Variants in FGL1 observed in about 807,000 individuals in gnomAD.
FGL1 encodes the protein fibrinogen like 1, also known as fibrinogen-like protein 1.
A neutral mutation model predicts 43.7 loss-of-function variants in FGL1; 59 were observed. That is an observed-to-expected ratio of 1.35 (90% CI 1.10 to 1.68). The LOEUF (loss-of-function observed/expected upper bound fraction) is 1.68. Among genes scored for constraint, FGL1 ranks in the 40% most tolerant of loss-of-function variants. The probability of loss-of-function intolerance (pLI) is 0.00; values close to 1 mark genes in which losing one functional copy is unlikely to be tolerated. For synonymous variants in FGL1, 192 were observed against 126.5 expected (o/e 1.52, Z -3.48); for missense variants, 596 against 373.0 (o/e 1.60, Z -4.92).
chr8:17,869,937 G>A (rs1031098327), intron 5 of FGL1, among the ~76,000 whole-genome samples: 4 of 152,076 alleles, frequency 2.6e-5, no homozygotes, highest in Admixed American at 1.3e-4. Flanking sequence ...GTGAAACCCC[G>A]TCTCTACTAA....
At chr8:17,891,168 G>C (rs117281835) in intron 1 of FGL1, 1 of 152,158 alleles carries the variant, frequency 6.6e-6, no homozygotes, top group African/African-American at 2.4e-5. Flanking sequence ...TAGGTGGATA[G>C]TTAGGTACTG....
intron 5 of FGL1, among the ~76,000 whole-genome samples, chr8:17,871,366 C>T (rs1414360309): frequency 4.0e-5 from 6 of 151,154 alleles, no homozygotes; most frequent in African/African-American, 4.9e-5. Context: ...TGGTGGTGTG[C>T]GCCTATAATC....
intron 2 of FGL1, among the ~76,000 whole-genome samples, chr8:17,884,525 T>C (rs1273577047): frequency 1.3e-5 from 2 of 152,138 alleles, no homozygotes; most frequent in Non-Finnish European, 2.9e-5. Flanking sequence ...TTGTTCTTGT[T>C]ACTCTATCCC....
At position 17,868,991 on chromosome 8, in the gene FGL1, T is replaced by C. The variant is rs2053315633; in HGVS notation, c.516A>G (p.Leu172=). Residue 172 remains leucine, a synonymous_variant, in exon 6 of 8, where the codon TTA becomes TTG. Transcript: ENST00000427924. ...HFLTTQEDYT[L]KIDLADFEKN... Reference sequence around the variant, plus strand: ...TTTCAAAATCTGCAAGGTCGATTTTTAAAGTGTAGTCTTCTAAAAAAGAAA... The same window carrying C: ...TTTCAAAATCTGCAAGGTCGATTTTCAAAGTGTAGTCTTCTAAAAAAGAAA... The C allele has an allele frequency of 1.9e-6, 3 of 1,600,808 alleles. No individual in the cohort carries two copies. Among genetic ancestry groups the C allele is most frequent in the Non-Finnish European group, 2.6e-6 (3 of 1,172,914 alleles).
rs1383534831 is a variant in FGL1, at chr8:17,885,560, C to G, written c.-6G>C. Reference sequence around the variant, plus strand: ...AAACTGAACACCTTTGCCATGTTCCCCCTTGAAAAAACTGCAAGAACAAAA... The same window carrying G: ...AAACTGAACACCTTTGCCATGTTCCGCCTTGAAAAAACTGCAAGAACAAAA... On this transcript the variant is annotated 5_prime_UTR_variant, in exon 2 of 8. Coordinates refer to ENST00000427924, the MANE Select transcript of FGL1 (RefSeq NM_004467.4). 1 of 1,612,266 alleles carries G rather than the reference C, an allele frequency of 6.2e-7. No homozygotes were observed. The highest frequency in any genetic ancestry group is 1.3e-5 in the African/African-American group (1 of 74,752).
intron 2 of FGL1, 59 bp downstream of exon 2, chr8:17,885,433 G>C (rs1017023495): frequency 7.0e-7 from 1 of 1,429,042 alleles, no homozygotes; most frequent in African/African-American, 1.4e-5. Flanking sequence ...CAAAATGAAA[G>C]AAAATTCAGA....
chr8:17,865,327 G>A (rs374670349), intron 7 of FGL1, among the ~76,000 whole-genome samples: 8 of 152,156 alleles, frequency 5.3e-5, no homozygotes, highest in Non-Finnish European at 8.8e-5. Flanking sequence ...AAAGCAAGTC[G>A]TGGGCAAGGT....
At position 17,879,580 on chromosome 8, in the gene FGL1, C is replaced by T. The variant is rs373814923; in HGVS notation, c.244+2419G>A. Among the ~76,000 whole-genome samples the T allele has an allele frequency of 4.6e-5, 7 of 152,136 alleles. No individual in the cohort carries two copies. The East Asian group carries it at 7.8e-4, about 17-fold the overall frequency. ...TGGTTTTTGAAACAGTGTCGCACCT[C>T]CTCCCTCTCTTTCTCCTGTTCCCAC... On this transcript the variant is annotated intron_variant, in intron 3 of 7. Coordinates refer to ENST00000427924, the MANE Select transcript of FGL1 (RefSeq NM_004467.4).
chr8:17,882,274 T>C, intron 2 of FGL1, 95 bp from the exon 3 acceptor site: 2 of 1,147,970 alleles, frequency 1.7e-6, no homozygotes, highest in East Asian at 2.5e-5. Context: ...TTCCATTTTG[T>C]CTCCAGTTCC....
At chr8:17,894,774 C>T (rs1189336029) in intron 1 of FGL1, among the ~76,000 whole-genome samples, 1 of 146,366 alleles carries the variant, frequency 6.8e-6, no homozygotes, top group Non-Finnish European at 1.5e-5. Flanking sequence ...CTGGCTCTTG[C>T]ATAAATGGAA....
intron 5 of FGL1, among the ~76,000 whole-genome samples, chr8:17,869,759 T>C (rs2053329040): frequency 6.6e-6 from 1 of 152,172 alleles, no homozygotes; most frequent in South Asian, 2.1e-4. Context: ...CTAACATCAA[T>C]GACTCTGAGT....
intron 5 of FGL1, among the ~76,000 whole-genome samples, chr8:17,871,216 G>C (rs1398237300): frequency 2.0e-5 from 3 of 152,128 alleles, no homozygotes; most frequent in Non-Finnish European, 2.9e-5. Flanking sequence ...TTACAGACGA[G>C]ATGCGGTGGT....
At chr8:17,893,865 A>G (rs192451436) in intron 1 of FGL1, among the ~76,000 whole-genome samples, 1 of 147,588 alleles carries the variant, frequency 6.8e-6, no homozygotes, top group East Asian at 1.9e-4. Flanking sequence ...GTAAAGTTGT[A>G]TCAAATTATT....
intron 1 of FGL1, 54 bp from the exon 2 acceptor site, chr8:17,885,625 AC>A: frequency 6.7e-7 from 1 of 1,497,530 alleles, no homozygotes; most frequent in Non-Finnish European, 9.2e-7. Flanking sequence ...TTTTCATGAG[AC>A]CAGAGTTCAG....
chr8:17,868,618 A>C lies in FGL1; in HGVS notation c.709T>G (p.Trp237Gly). The C allele has an allele frequency of 2.5e-6, 4 of 1,614,090 alleles. No homozygotes were observed. Among genetic ancestry groups the C allele is most frequent in the Non-Finnish European group, 3.4e-6 (4 of 1,179,992 alleles). Residue 237 changes from tryptophan (W) to glycine (G), a missense_variant, in exon 7 of 8, where the codon TGG becomes GGG. Coordinates refer to ENST00000427924, the MANE Select transcript of FGL1 (RefSeq NM_004467.4). ...TCATAGTTGTCATGATCTCTGTCCC[A>C]CGTGCTGAATTTCATTCTTTGGTGA... ...ASHQRMKFST[W>G]DRDHDNYEGN...
chr8:17,883,689 T>TA (rs1554567283), intron 2 of FGL1, among the ~76,000 whole-genome samples: 1 of 143,442 alleles, frequency 7.0e-6, no homozygotes. Context: ...TATATATATA[T>TA]TTTTTATATA....
chr8:17,891,150 C>T (rs538469817), intron 1 of FGL1: 1 of 152,166 alleles, frequency 6.6e-6, no homozygotes, highest in Admixed American at 6.5e-5. Context: ...TGTATACTGC[C>T]CTAATGCTAG....
intron 3 of FGL1, 107 bp downstream of exon 3, chr8:17,881,892 A>G: frequency 1.1e-6 from 1 of 925,424 alleles, no homozygotes; most frequent in Non-Finnish European, 1.6e-6. Flanking sequence ...ATAATGCTTC[A>G]TATTGCTTGT....
At chr8:17,872,302 TTTA>T (rs10528958) in intron 5 of FGL1, among the ~76,000 whole-genome samples, 4 of 146,840 alleles carry the variant, frequency 2.7e-5, no homozygotes, top group South Asian at 2.2e-4. Flanking sequence ...TCTTAATTAC[TTTA>T]TTATTATTAT....
Sources: allele counts gnomAD v4.1 joint callset (sites outside exome capture counted in the v4.1 genomes callset), GRCh38; gene constraint gnomAD v4.1.1; transcripts MANE v1.5; gene names NCBI Gene and HGNC (gene_info 2026-07-23, HGNC 2026-07-21).